Variants in ADAP1 observed in about 807,000 individuals in gnomAD.
ADAP1 encodes the protein ArfGAP with dual PH domains 1.
Under a neutral mutation model 54.9 loss-of-function variants are expected in ADAP1, and 31 were observed. That is an observed-to-expected ratio of 0.56 (90% CI 0.42 to 0.76). The LOEUF (loss-of-function observed/expected upper bound fraction) is 0.76. Ranked by LOEUF, ADAP1 falls within the 30% of genes least tolerant of loss-of-function variation. The pLI is 0.00. For synonymous variants in ADAP1, 313 were observed against 202.6 expected, an observed-to-expected ratio of 1.55 and a Z score of -4.63; for missense variants, 535 against 512.4, an observed-to-expected ratio of 1.04 and a Z score of -0.42.
intron 4 of ADAP1, 68 bp from the exon 5 acceptor site, chr7:905,240 G>A (rs999710998): frequency 1.5e-5 from 18 of 1,194,884 alleles, no homozygotes; most frequent in Non-Finnish European, 2.0e-5. Context: ...GAGTGACGAT[G>A]GACAGGACAG....
intron 2 of ADAP1, among the ~76,000 whole-genome samples, chr7:932,780 G>A (rs1028940629): frequency 5.9e-5 from 9 of 152,278 alleles, no homozygotes; most frequent in Non-Finnish European, 1.2e-4. Flanking sequence ...GGTCGAAGGC[G>A]GTGAGCCCAA....
chr7:919,400 G>A (rs1050229548), intron 4 of ADAP1, among the ~76,000 whole-genome samples: 1 of 152,212 alleles, frequency 6.6e-6, no homozygotes, highest in Non-Finnish European at 1.5e-5. Flanking sequence ...GGGCTGGACT[G>A]TAGACAGCTG....
intron 1 of ADAP1, among the ~76,000 whole-genome samples, chr7:940,689 C>A (rs1210433221): frequency 6.6e-6 from 1 of 152,110 alleles, no homozygotes; most frequent in Non-Finnish European, 1.5e-5. Context: ...AGCCACCCTA[C>A]TCCTAGGAAT....
intron 2 of ADAP1, among the ~76,000 whole-genome samples, chr7:929,123 C>A (rs933846629): frequency 4.6e-5 from 7 of 151,980 alleles, no homozygotes; most frequent in African/African-American, 1.7e-4. Context: ...GAGACCCCGT[C>A]TCTACTGAAA....
intron 4 of ADAP1, 32 bp from the exon 5 acceptor site, chr7:905,204 A>G (rs748121054): frequency 1.9e-6 from 3 of 1,554,894 alleles, no homozygotes; most frequent in Non-Finnish European, 2.6e-6. Flanking sequence ...AGTCGGTGAC[A>G]GTGGATGGGG....
In ADAP1 at chr7:935,532, G is replaced by T. The variant is rs368312660; in HGVS notation, c.83-27C>A. 3.5e-5 allele frequency: 55 copies of T among 1,556,146 alleles called. No homozygotes were observed. In the African/African-American group the frequency reaches 6.3e-4, roughly 18 times the overall value. ...TGCAAGGGAAAGCCGGACGTTCACG[G>T]AGGCTCAGCCCAGGGACCCCGGAGG... On this transcript the variant is annotated intron_variant, in intron 1 of 10. Transcript: ENST00000265846.
chr7:952,290 C>G (rs1847291291), intron 1 of ADAP1, among the ~76,000 whole-genome samples: 1 of 152,218 alleles, frequency 6.6e-6, no homozygotes, highest in South Asian at 2.1e-4. Flanking sequence ...CTCAAGTCCA[C>G]CCCAGCAGCC....
At chr7:905,224 C>G (rs775789559) in intron 4 of ADAP1, 52 bp from the exon 5 acceptor site, 6 of 1,428,120 alleles carry the variant, frequency 4.2e-6, no homozygotes, top group African/African-American at 1.5e-5. Context: ...GGGGAGGAAA[C>G]AAAAGGAGTG....
chr7:952,747 G>A (rs919560270), intron 1 of ADAP1, among the ~76,000 whole-genome samples: 9 of 152,312 alleles, frequency 5.9e-5, no homozygotes, highest in African/African-American at 2.2e-4. Flanking sequence ...CCCGACAGAG[G>A]AGACAAGTCA....
intron 1 of ADAP1, among the ~76,000 whole-genome samples, chr7:937,529 A>G (rs111859747): frequency 5.0e-4 from 9 of 17,886 alleles, no homozygotes; most frequent in East Asian, 2.5e-3. Context: ...GTCATGCCCG[A>G]CCTCTGGGAT....
chr7:947,670 C>T (rs1309699148), intron 1 of ADAP1, among the ~76,000 whole-genome samples: 2 of 152,150 alleles, frequency 1.3e-5, no homozygotes, highest in Non-Finnish European at 2.9e-5. Context: ...CACACTCACG[C>T]CCCGCCCTAG....
At chr7:950,903 G>T (rs1274293183) in intron 1 of ADAP1, among the ~76,000 whole-genome samples, 1 of 151,392 alleles carries the variant, frequency 6.6e-6, no homozygotes, top group East Asian at 1.9e-4. Flanking sequence ...AAAGTAGAAG[G>T]GTGGGTGCCC....
chr7:907,462 A>G (rs897736992), intron 4 of ADAP1, among the ~76,000 whole-genome samples: 1 of 152,086 alleles, frequency 6.6e-6, no homozygotes, highest in Non-Finnish European at 1.5e-5. Context: ...GGCCCGTGGG[A>G]TCGTCCTGGA....
intron 1 of ADAP1, among the ~76,000 whole-genome samples, chr7:942,460 A>G (rs1846973496): frequency 1.7e-5 from 1 of 60,108 alleles, no homozygotes; most frequent in Non-Finnish European, 3.6e-5. Flanking sequence ...GAAGGGAGAG[A>G]GGAGGAGGAA....
intron 8 of ADAP1, 57 bp from the exon 9 acceptor site, chr7:899,547 G>A: frequency 6.4e-7 from 1 of 1,568,786 alleles, no homozygotes; most frequent in South Asian, 1.2e-5. Context: ...CCTACATCCA[G>A]CTGACCACAG....
At chr7:910,210 G>C (rs1305168847) in intron 4 of ADAP1, among the ~76,000 whole-genome samples, 1 of 152,042 alleles carries the variant, frequency 6.6e-6, no homozygotes, top group Non-Finnish European at 1.5e-5. Context: ...GCCTCAGAGA[G>C]AAGTGAAATC....
intron 3 of ADAP1, among the ~76,000 whole-genome samples, chr7:923,634 G>C (rs1305220885): frequency 2.0e-5 from 3 of 152,062 alleles, no homozygotes; most frequent in African/African-American, 4.8e-5. Flanking sequence ...TGAGGCCCTG[G>C]GCCTCTGCTT....
intron 1 of ADAP1, among the ~76,000 whole-genome samples, chr7:947,458 CCCT>C (rs1395452934): frequency 6.6e-6 from 1 of 151,938 alleles, no homozygotes; most frequent in Non-Finnish European, 1.5e-5. Flanking sequence ...GGCTGCTGTC[CCCT>C]TGGCGGCCAC....
chr7:944,075 C>G (rs567545439), intron 1 of ADAP1, among the ~76,000 whole-genome samples: 1 of 151,708 alleles, frequency 6.6e-6, no homozygotes, highest in African/African-American at 2.4e-5. Flanking sequence ...ACCACCATAC[C>G]CAGCTACTTT....
Sources: gnomAD v4.1 joint callset for allele counts (sites outside exome capture counted in the v4.1 genomes callset) on GRCh38, gnomAD v4.1.1 for gene constraint, MANE v1.5 for transcripts, NCBI Gene and HGNC (gene_info 2026-07-23, HGNC 2026-07-21) for gene names.